ZNF394: variants seen among roughly 807,000 people sequenced by gnomAD.
ZNF394 encodes zinc finger protein 99.
Under a neutral mutation model 21.8 loss-of-function variants are expected in ZNF394, and 19 were observed. That is an observed-to-expected ratio of 0.87 (90% CI 0.61 to 1.28). The LOEUF is 1.28. Among genes scored for constraint, ZNF394 ranks in the 50% most tolerant of loss-of-function variants. ZNF394 has a pLI of 0.00. For missense variants in ZNF394, 683 were observed against 708.6 expected, an observed-to-expected ratio of 0.96 and a Z score of 0.41; for synonymous variants, 294 against 273.3, an observed-to-expected ratio of 1.08 and a Z score of -0.75.
rs765819482 is a variant in ZNF394 at position 99,493,512 on chromosome 7, C to T, written c.*17G>A. The T allele has an allele frequency of 6.4e-6, 10 of 1,560,636 alleles. No individual in the cohort carries two copies. The highest frequency in any genetic ancestry group is 8.7e-6 in the Non-Finnish European group (10 of 1,151,294). ...TCTCAAATGATCTGCCTGCCTTGGCCTCCCAAAGTGCTGGGATTATAGGCG... is the reference window on the plus strand; with the variant it reads ...TCTCAAATGATCTGCCTGCCTTGGCTTCCCAAAGTGCTGGGATTATAGGCG... On this transcript the variant is annotated 3_prime_UTR_variant, in exon 3 of 3. Coordinates refer to ENST00000337673, the MANE Select transcript of ZNF394 (RefSeq NM_032164.4).
intron 1 of ZNF394, chr7:99,487,159 G>A (rs1247791167): frequency 6.2e-7 from 1 of 1,614,134 alleles, no homozygotes; most frequent in African/African-American, 1.3e-5. Context: ...TAAATGCCTT[G>A]AGTGTGGAAA....
intron 1 of ZNF394, chr7:99,487,456 C>T (rs751760322): frequency 6.2e-6 from 10 of 1,613,946 alleles, no homozygotes; most frequent in Non-Finnish European, 6.8e-6. Flanking sequence ...TATTAAGCAC[C>T]AGGGCACTCA....
rs781738908 is a variant in ZNF394, at chr7:99,494,364, T to C, written c.851A>G (p.Asn284Ser). ...ACACCTGGCACTGTTCTGCAATTCA[T>C]TATTTTTAGAGTCTTCCCCTTCTAT... is the stretch of plus-strand genomic sequence containing the variant. ...GSIEGEDSKN[N>S]ELQNSARCSN... The change falls in exon 3 of 3, where the codon AAT becomes AGT. Residue 284 changes from asparagine to serine, a missense_variant. Transcript: ENST00000337673. The C allele has an allele frequency of 6.2e-7, 1 of 1,614,216 alleles. No individual in the cohort carries two copies. Among genetic ancestry groups the C allele is most frequent in the Non-Finnish European group, 8.5e-7 (1 of 1,180,042 alleles).
At position 99,494,567 on chromosome 7, in the gene ZNF394, C is replaced by G. The variant is rs373437696; in HGVS notation, c.648G>C (p.Glu216Asp). Residue 216 changes from glutamate to aspartate, a missense_variant, in exon 3 of 3, where the codon GAG becomes GAC. Glu to Asp is a conservative substitution (Grantham distance 45, BLOSUM62 2). This residue lies in a region of ZNF394 where 402 missense variants were observed against 373.8 expected (regional missense o/e 1.08). Transcript: ENST00000337673. Reference sequence around the variant, plus strand: ...ACGCTTCTTGTAGTTGCCCCTGTGGCTCCGCTTCTTCTAAAATTTGTTGCA... The same window carrying G: ...ACGCTTCTTGTAGTTGCCCCTGTGGGTCCGCTTCTTCTAAAATTTGTTGCA... ...IPMQQILEEA[E>D]PQGQLQEAFQ... The G allele has an allele frequency of 1.5e-5, 24 of 1,606,868 alleles. No homozygotes were observed. The highest frequency in any genetic ancestry group is 5.4e-5 in the African/African-American group (4 of 74,418).
chr7:99,500,025 C>CGCA lies in ZNF394; in HGVS notation c.66_68dup (p.Ala23dup). Reference sequence around the variant, plus strand: ...GGGACGGCGCCGCGTCCTTGGACCTCGCAGCCATCACCCAGGGTCCCAACT... The same window carrying CGCA: ...GGGACGGCGCCGCGTCCTTGGACCTCGCAGCAGCCATCACCCAGGGTCCCAACT... On this transcript the variant is annotated inframe_insertion, in exon 1 of 3. Transcript: ENST00000337673. 1 of 1,604,416 alleles carries CGCA rather than the reference C, an allele frequency of 6.2e-7. No individual in the cohort carries two copies. Among genetic ancestry groups the CGCA allele is most frequent in the Non-Finnish European group, 8.5e-7 (1 of 1,177,962 alleles).
rs1800229289 is a variant in ZNF394, at chr7:99,494,159, G to A, written c.1056C>T (p.Leu352=). 3 of 1,614,184 alleles carry A rather than the reference G, an allele frequency of 1.9e-6. No homozygotes were observed. Among genetic ancestry groups the A allele is most frequent in the Non-Finnish European group, 2.5e-6 (3 of 1,180,042 alleles). Residue 352 remains leucine, a synonymous_variant, in exon 3 of 3, where the codon CTC becomes CTT. Coordinates refer to ENST00000337673, the MANE Select transcript of ZNF394 (RefSeq NM_032164.4). ...HSSLFETQRQ[L]HEERPYKCGN... ...CACATTTATAAGGTCTTTCTTCATG[G>A]AGCTGCCTCTGGGTCTCAAAAAGGC...
At chr7:99,488,300 G>C (rs967636168), downstream of ZNF394, among the ~76,000 whole-genome samples, 53 of 152,104 alleles carry the variant, frequency 3.5e-4, no homozygotes, top group African/African-American at 1.3e-3. Flanking sequence ...ACTTTGGGAG[G>C]CTGAGGCTGG....
At chr7:99,499,573 G>C in intron 1 of ZNF394, 65 bp downstream of exon 1, 1 of 1,423,812 alleles carries the variant, frequency 7.0e-7, no homozygotes, top group Non-Finnish European at 9.4e-7. Flanking sequence ...GTTCCGAAAC[G>C]CAGAGCACCC....
rs371074644 is a variant in ZNF394 at position 99,494,233 on chromosome 7, C to A, written c.982G>T (p.Val328Leu). Residue 328 changes from valine (V) to leucine (L), a missense_variant, in exon 3 of 3, where the codon GTG becomes TTG. Val to Leu is a conservative substitution (Grantham distance 32, BLOSUM62 1). Around this residue, in one of 3 missense-constraint regions of ZNF394, gnomAD observed 274 missense variants for 314.1 expected, o/e 0.87. Coordinates refer to ENST00000337673, the MANE Select transcript of ZNF394 (RefSeq NM_032164.4). Reference protein sequence around the residue: ...KQSFHMVTWHVLKPHKSDSGD... With the variant: ...KQSFHMVTWHLLKPHKSDSGD... ...CTGTCAGACTTGTGAGGTTTCAGCACGTGCCACGTCACCATGTGGAAACTT... is the reference window on the plus strand; with the variant it reads ...CTGTCAGACTTGTGAGGTTTCAGCAAGTGCCACGTCACCATGTGGAAACTT... 2.5e-6 allele frequency: 4 copies of A among 1,614,132 alleles called. No homozygotes were observed. The highest frequency in any genetic ancestry group is 4.5e-5 in the East Asian group (2 of 44,902).
At chr7:99,496,047 G>C (rs1800297329) in intron 2 of ZNF394, among the ~76,000 whole-genome samples, 1 of 152,184 alleles carries the variant, frequency 6.6e-6, no homozygotes, top group Non-Finnish European at 1.5e-5. Flanking sequence ...TCAGCCTTCT[G>C]AGTAGCTGTA....
In ZNF394 at chr7:99,494,610, T is replaced by C. The variant is rs1800247350; in HGVS notation, c.605A>G (p.Asn202Ser). 2 of 1,597,274 alleles carry C rather than the reference T, an allele frequency of 1.3e-6. No homozygotes were observed. Among genetic ancestry groups the C allele is most frequent in the Non-Finnish European group, 1.7e-6 (2 of 1,173,214 alleles). Residue 202 changes from asparagine to serine, a missense_variant, in exon 3 of 3, where the codon AAC (asparagine) becomes AGC (serine). By Grantham distance (46) the Asn-to-Ser change is conservative. Coordinates refer to ENST00000337673, the MANE Select transcript of ZNF394 (RefSeq NM_032164.4). The part of the protein sequence containing the change: ...VPPSLESRVE[N>S]KELIPMQQIL... Reference sequence around the variant, plus strand: ...TTGTTGCATTGGAATCAACTCTTTGTTCTCCACTCTGCTTTCCAAACCTGA... The same window carrying C: ...TTGTTGCATTGGAATCAACTCTTTGCTCTCCACTCTGCTTTCCAAACCTGA...
chr7:99,492,452 C>CT (rs1562892184), downstream of ZNF394, among the ~76,000 whole-genome samples: 38 of 151,302 alleles, frequency 2.5e-4, no homozygotes, highest in Non-Finnish European at 3.7e-4. Flanking sequence ...CCAGCCTAGG[C>CT]AACACAGTGA....
At chr7:99,487,458 G>A (rs371552407) in intron 1 of ZNF394, 4 of 1,613,834 alleles carry the variant, frequency 2.5e-6, no homozygotes, top group Non-Finnish European at 3.4e-6. Flanking sequence ...TTAAGCACCA[G>A]GGCACTCACA....
downstream of ZNF394, among the ~76,000 whole-genome samples, chr7:99,488,784 C>CA (rs1800090597): frequency 6.6e-6 from 1 of 151,070 alleles, no homozygotes; most frequent in African/African-American, 2.4e-5. Flanking sequence ...AAAATTTAGC[C>CA]AGGCACAGTG....
chr7:99,492,721 T>C (rs1380601557), downstream of ZNF394, among the ~76,000 whole-genome samples: 1 of 149,590 alleles, frequency 6.7e-6, no homozygotes, highest in Non-Finnish European at 1.5e-5. Context: ...TTTGGGAAGC[T>C]GAGGCAGGAG....
At position 99,493,278 on chromosome 7, in the gene ZNF394, A is replaced by C. The variant is rs1800200539; in HGVS notation, c.*251T>G. The C allele has an allele frequency of 8.4e-7, 1 of 1,189,020 alleles. No individual in the cohort carries two copies. The allele number at this position is 1,189,020 out of a possible 1,614,324, so 73.7% of individuals were successfully genotyped here. On this transcript the variant is annotated 3_prime_UTR_variant, in exon 3 of 3. Transcript: ENST00000337673. Reference sequence around the variant, plus strand: ...GACAGCACTTTATTTCTTTTTTGAGATGGAGTCTCGCTCTGTTGCCCAGGC... The same window carrying C: ...GACAGCACTTTATTTCTTTTTTGAGCTGGAGTCTCGCTCTGTTGCCCAGGC...
At chr7:99,492,544 G>A (rs1341862432), downstream of ZNF394, among the ~76,000 whole-genome samples, 6 of 150,900 alleles carry the variant, frequency 4.0e-5, no homozygotes, top group East Asian at 1.9e-4. Context: ...GAAGGCTGAG[G>A]CAGGAGAATT....
At chr7:99,495,713 C>A (rs529159807) in intron 2 of ZNF394, among the ~76,000 whole-genome samples, 2 of 152,080 alleles carry the variant, frequency 1.3e-5, no homozygotes, top group African/African-American at 4.8e-5. Flanking sequence ...CTCTGCCCCC[C>A]AGGTTCAAGC....
Position 99,499,704 on chromosome 7 carries a change from C to A in ZNF394, c.390G>T (p.Glu130Asp). Reference sequence around the variant, plus strand: ...CCACGGCCACCGCCTCCTCCCCGCTCTCTGGGCAGTGCTCTCGCACCCAGG... The same window carrying A: ...CCACGGCCACCGCCTCCTCCCCGCTATCTGGGCAGTGCTCTCGCACCCAGG... The part of the protein sequence containing the change: ...LQAWVREHCP[E>D]SGEEAVAVVR... Residue 130 changes from glutamate (E) to aspartate (D), a missense_variant, in exon 1 of 3, where the codon GAG (glutamate) becomes GAT (aspartate). By Grantham distance (45) the Glu-to-Asp change is conservative. Around this residue, in one of 3 missense-constraint regions of ZNF394, gnomAD observed 402 missense variants for 373.8 expected, o/e 1.08. Transcript: ENST00000337673. 1 of 1,613,454 alleles carries A rather than the reference C, an allele frequency of 6.2e-7. No individual in the cohort carries two copies. Among genetic ancestry groups the A allele is most frequent in the Non-Finnish European group, 8.5e-7 (1 of 1,179,980 alleles).
Sources: allele counts gnomAD v4.1 joint callset (sites outside exome capture counted in the v4.1 genomes callset), GRCh38; gene constraint gnomAD v4.1.1; regional missense constraint gnomAD v4.1.1; transcripts MANE v1.5; gene names NCBI Gene and HGNC (gene_info 2026-07-23, HGNC 2026-07-21).